Variants in GSK3B observed in about 807,000 individuals in gnomAD.
The protein encoded by GSK3B is glycogen synthase kinase-3 beta.
Under a neutral mutation model 56.4 loss-of-function variants are expected in GSK3B, and 15 were observed. The observed-to-expected ratio is 0.27, with a 90% CI of 0.18 to 0.41. The LOEUF (loss-of-function observed/expected upper bound fraction) is 0.41, where lower values mean the gene tolerates loss of function less well. Ranked by LOEUF, GSK3B falls within the 10% of genes least tolerant of loss-of-function variation. GSK3B has a pLI of 1.00. For synonymous variants in GSK3B, 181 were observed against 188.9 expected, an observed-to-expected ratio of 0.96 and a Z score of 0.34; for missense variants, 300 against 513.4, an observed-to-expected ratio of 0.58 and a Z score of 4.02.
intron 2 of GSK3B, among the ~76,000 whole-genome samples, chr3:120,000,790 G>A (rs1398586907): frequency 7.1e-6 from 1 of 140,860 alleles, no homozygotes; most frequent in Non-Finnish European, 1.5e-5. Flanking sequence ...GTGTCTAAAG[G>A]CAGAAGGACA....
At chr3:119,883,788 G>GT (rs374645914) in intron 7 of GSK3B, among the ~76,000 whole-genome samples, 153 of 152,248 alleles carry the variant, frequency 1.0e-3, no homozygotes, top group African/African-American at 3.5e-3. Context: ...ATTTTAGGAG[G>GT]TGGCATCAAA....
At chr3:120,082,567 C>T (rs1273601156) in intron 1 of GSK3B, among the ~76,000 whole-genome samples, 3 of 151,406 alleles carry the variant, frequency 2.0e-5, no homozygotes, top group Non-Finnish European at 4.4e-5. Context: ...AGCTAATTTT[C>T]GTATTTTTAG....
intron 3 of GSK3B, among the ~76,000 whole-genome samples, chr3:119,925,418 C>T (rs1485351703): frequency 1.3e-5 from 2 of 152,140 alleles, no homozygotes; most frequent in African/African-American, 4.8e-5. Flanking sequence ...TCTTCAACCT[C>T]TAACACTCCT....
At chr3:119,955,935 G>A (rs1373769231) in intron 2 of GSK3B, among the ~76,000 whole-genome samples, 4 of 152,036 alleles carry the variant, frequency 2.6e-5, no homozygotes, top group African/African-American at 7.2e-5. Flanking sequence ...TTACAGGTGT[G>A]AGCCACCTCA....
chr3:119,923,475 C>T lies in GSK3B; in HGVS notation c.375G>A (p.Glu125=). The change falls in exon 4 of 11, where the codon GAG becomes GAA. Residue 125 remains glutamate (E), a synonymous_variant. Transcript: ENST00000264235. Reference sequence around the variant, plus strand: ...AGTCCAGCACCAGATTAAGATAGACCTCATCTTTCTGAAAGAGTTTATTTA... The same window carrying T: ...AGTCCAGCACCAGATTAAGATAGACTTCATCTTTCTGAAAGAGTTTATTTA... ...FFYSSGEKKD[E]VYLNLVLDYV... 6.6e-7 allele frequency: 1 copy of T among 1,526,378 alleles called. No homozygotes were observed. The highest frequency in any genetic ancestry group is 1.2e-5 in the South Asian group (1 of 82,986). The allele number at this position is 1,526,378 out of a possible 1,614,324, so 94.6% of individuals were successfully genotyped here. A position where few individuals can be genotyped will look rare whatever the true frequency, so the allele number is the denominator to read the frequency against.
chr3:119,967,085 C>A (rs1012644346), intron 2 of GSK3B, among the ~76,000 whole-genome samples: 6 of 145,280 alleles, frequency 4.1e-5, no homozygotes, highest in Non-Finnish European at 7.6e-5. Context: ...TTACAGCTAC[C>A]TTTTTTTTTT....
At chr3:120,078,228 T>C (rs2058383084) in intron 1 of GSK3B, among the ~76,000 whole-genome samples, 1 of 152,198 alleles carries the variant, frequency 6.6e-6, no homozygotes, top group African/African-American at 2.4e-5. Context: ...CTCAGCTATA[T>C]GTAAGAAATT....
chr3:119,831,235 G>T (rs1243374307), intron 10 of GSK3B, among the ~76,000 whole-genome samples: 1 of 152,166 alleles, frequency 6.6e-6, no homozygotes, highest in Non-Finnish European at 1.5e-5. Flanking sequence ...GCAGTAGGTG[G>T]CAGCAGAAAA....
At chr3:119,932,119 C>T (rs755858110) in intron 3 of GSK3B, among the ~76,000 whole-genome samples, 6 of 152,140 alleles carry the variant, frequency 3.9e-5, no homozygotes, top group Non-Finnish European at 7.4e-5. Flanking sequence ...AATAAAATGA[C>T]TTGAGGTTAC....
intron 8 of GSK3B, 26 bp downstream of exon 8, chr3:119,876,387 T>G (rs201102477): frequency 8.2e-7 from 1 of 1,221,214 alleles, no homozygotes; most frequent in Non-Finnish European, 1.2e-6. Flanking sequence ...TACTGATTAA[T>G]ATACTTAAAA....
chr3:119,911,870 A>G lies in GSK3B; in HGVS notation c.715+834T>C, dbSNP rs999848806. On this transcript the variant is annotated intron_variant, in intron 6 of 10. Coordinates refer to ENST00000264235, the MANE Select transcript of GSK3B (RefSeq NM_001146156.2). The stretch of plus-strand genomic sequence containing the variant: ...GCCTTGCTGGGTTAGGCTTTGGCTC[A>G]AGTGAATGTTGTGGTTGGTTTGATC... Among the ~76,000 whole-genome samples, 3 of 152,322 alleles carry G rather than the reference A, an allele frequency of 2.0e-5. No individual in the cohort carries two copies. In the East Asian group the frequency reaches 5.8e-4, roughly 29 times the overall value.
chr3:119,842,687 GCCT>G (rs1415092957), intron 10 of GSK3B, among the ~76,000 whole-genome samples: 1 of 151,770 alleles, frequency 6.6e-6, no homozygotes, highest in Non-Finnish European at 1.5e-5. Context: ...TGAACTCCTG[GCCT>G]CGAGTGATCC....
intron 7 of GSK3B, among the ~76,000 whole-genome samples, chr3:119,892,585 C>T (rs1188864939): frequency 1.3e-5 from 2 of 152,144 alleles, no homozygotes; most frequent in South Asian, 2.1e-4. Context: ...CCATCAGTCT[C>T]TGAAGCCCCT....
At position 119,826,203 on chromosome 3, in the gene GSK3B, A is replaced by C. The variant is rs1006069835; in HGVS notation, c.*585T>G. 3.6e-6 allele frequency: 1 copy of C among 274,500 alleles called. No individual in the cohort carries two copies. The highest frequency in any genetic ancestry group is 6.9e-6 in the Non-Finnish European group (1 of 144,022). The allele number at this position is 274,500 out of a possible 1,614,324, so 17.0% of individuals were successfully genotyped here. A position where few individuals can be genotyped will look rare whatever the true frequency, so the allele number is the denominator to read the frequency against. ...TATTGACCTCCCTGGGTTACGAATG[A>C]TACACATTTCTTTGTCTGCCACACC... On this transcript the variant is annotated 3_prime_UTR_variant, in exon 11 of 11. Coordinates refer to ENST00000264235, the MANE Select transcript of GSK3B (RefSeq NM_001146156.2).
At chr3:120,006,456 T>C (rs929117367) in intron 1 of GSK3B, among the ~76,000 whole-genome samples, 1 of 152,196 alleles carries the variant, frequency 6.6e-6, no homozygotes, top group African/African-American at 2.4e-5. Flanking sequence ...ATAAACAGAA[T>C]ATACATTCTT....
intron 3 of GSK3B, among the ~76,000 whole-genome samples, chr3:119,941,443 T>C (rs2057048272): frequency 6.6e-6 from 1 of 152,260 alleles, no homozygotes; most frequent in Non-Finnish European, 1.5e-5. Flanking sequence ...TATAGCATAC[T>C]ATACAGACTC....
chr3:119,961,414 G>A (rs1175910306), intron 2 of GSK3B, among the ~76,000 whole-genome samples: 1 of 152,098 alleles, frequency 6.6e-6, no homozygotes, highest in Non-Finnish European at 1.5e-5. Flanking sequence ...GATCACTTAA[G>A]GCCAGGAGTT....
chr3:119,829,908 A>G (rs1308974671), intron 10 of GSK3B, among the ~76,000 whole-genome samples: 2 of 152,248 alleles, frequency 1.3e-5, no homozygotes, highest in Non-Finnish European at 2.9e-5. Flanking sequence ...TTGATTATAA[A>G]TATCTTTGAT....
intron 1 of GSK3B, among the ~76,000 whole-genome samples, chr3:120,058,680 T>C (rs2058210907): frequency 6.6e-6 from 1 of 152,136 alleles, no homozygotes; most frequent in African/African-American, 2.4e-5. Context: ...CAGGTAATAA[T>C]GCTTCTCCCT....
Sources: gnomAD v4.1 joint callset for allele counts (sites outside exome capture counted in the v4.1 genomes callset) on GRCh38, gnomAD v4.1.1 for gene constraint, MANE v1.5 for transcripts, NCBI Gene and HGNC (gene_info 2026-07-23, HGNC 2026-07-21) for gene names.